VPS50: variants seen among roughly 807,000 people sequenced by gnomAD.
The protein encoded by VPS50 is syndetin.
VPS50 carries 70 observed loss-of-function variants against 139.7 expected under a neutral mutation model. That is an observed-to-expected ratio of 0.50 (90% CI 0.41 to 0.61). The LOEUF (loss-of-function observed/expected upper bound fraction) is 0.61, where lower values mean the gene tolerates loss of function less well. VPS50 is among the 20% of genes least tolerant of loss of function. The pLI is 0.00. For missense variants in VPS50, 921 were observed against 1,133.7 expected (o/e 0.81, Z 2.69); for synonymous variants, 365 against 376.7 (o/e 0.97, Z 0.36).
Position 93,290,721 on chromosome 7 carries a change from G to A in VPS50, c.943-982G>A, listed in dbSNP as rs1304758838. Among the ~76,000 whole-genome samples the A allele has an allele frequency of 2.6e-5, 4 of 152,128 alleles. No homozygotes were observed. In the East Asian group the frequency reaches 7.7e-4, roughly 29 times the overall value. On this transcript the variant is annotated intron_variant, in intron 12 of 27. Transcript: ENST00000305866. ...AGATTTGATATACTTACATGGAAGT[G>A]TAGTAAATCATGTAAGCTAGTATTT... is the stretch of plus-strand genomic sequence containing the variant.
At chr7:93,283,322 C>T (rs989609607) in intron 12 of VPS50, among the ~76,000 whole-genome samples, 4 of 151,478 alleles carry the variant, frequency 2.6e-5, no homozygotes, top group African/African-American at 4.9e-5. Context: ...CCACCTCCCG[C>T]GTTCAACAGG....
At chr7:93,283,092 C>T (rs1055121744) in intron 12 of VPS50, among the ~76,000 whole-genome samples, 1 of 151,940 alleles carries the variant, frequency 6.6e-6, no homozygotes, top group Non-Finnish European at 1.5e-5. Context: ...AAATTTTATT[C>T]TACTTGCAAA....
At position 93,261,875 on chromosome 7, in the gene VPS50, T is replaced by G. The variant is rs893424024; in HGVS notation, c.659+2243T>G. Among the ~76,000 whole-genome samples the G allele has an allele frequency of 3.3e-5, 5 of 152,082 alleles. No homozygotes were observed. In the South Asian group the frequency reaches 6.2e-4, roughly 19 times the overall value. On this transcript the variant is annotated intron_variant, in intron 9 of 27. Transcript: ENST00000305866. ...TCTACACCAGAAATGAAATCTTTGT[T>G]GCGGAGTTACCAAGCAAAATGAAGA...
chr7:93,297,473 T>C (rs1353932907), intron 16 of VPS50, among the ~76,000 whole-genome samples: 1 of 152,144 alleles, frequency 6.6e-6, no homozygotes, highest in African/African-American at 2.4e-5. Context: ...GCTTAAAATA[T>C]TGAACTGATT....
chr7:93,252,270 C>G (rs1438192369), intron 2 of VPS50, among the ~76,000 whole-genome samples: 2 of 151,924 alleles, frequency 1.3e-5, no homozygotes, highest in Non-Finnish European at 2.9e-5. Flanking sequence ...GTGTTCTTCC[C>G]TTATTATCTG....
intron 2 of VPS50, among the ~76,000 whole-genome samples, chr7:93,246,448 AT>A (rs572656636): frequency 0.025 from 3,739 of 151,710 alleles, 75 homozygotes; most frequent in Non-Finnish European, 0.038. Flanking sequence ...TATTCTATAT[AT>A]TTTTTTCAGA....
At chr7:93,314,047 C>T (rs1797349939) in intron 20 of VPS50, among the ~76,000 whole-genome samples, 2 of 152,120 alleles carry the variant, frequency 1.3e-5, no homozygotes, top group South Asian at 4.1e-4. Flanking sequence ...CAAAACAGAA[C>T]TTTAAGGAAG....
intron 18 of VPS50, 123 bp downstream of exon 18, chr7:93,306,127 A>G (rs1370987607): frequency 1.5e-6 from 1 of 674,908 alleles, no homozygotes; most frequent in Non-Finnish European, 2.6e-6. Context: ...TGTATACTTA[A>G]TGTACCTATG....
chr7:93,252,701 C>T lies in VPS50; in HGVS notation c.151C>T (p.Gln51Ter). 6.3e-7 allele frequency: 1 copy of T among 1,598,608 alleles called. No individual in the cohort carries two copies. Among genetic ancestry groups the T allele is most frequent in the Non-Finnish European group, 8.6e-7 (1 of 1,168,550 alleles). ...REQPSDPQAEQELINSIEQVY... is the reference protein window; with the variant it reads ...REQPSDPQAE ...ACAGCCAAGTGACCCTCAAGCTGAACAAGAGCTTATTAATAGTATTGAACA... is the reference window on the plus strand; with the variant it reads ...ACAGCCAAGTGACCCTCAAGCTGAATAAGAGCTTATTAATAGTATTGAACA... The change falls in exon 3 of 28, where the codon CAA becomes TAA. Residue 51 changes from glutamine to a stop codon, truncating the protein, a stop_gained. Coordinates refer to ENST00000305866, the MANE Select transcript of VPS50 (RefSeq NM_017667.4). LOFTEE classifies it high-confidence loss of function.
In VPS50 at chr7:93,360,387, T is replaced by C. The variant is rs1211002052; in HGVS notation, c.*1951T>C. 10 of 149,876 alleles carry C rather than the reference T, an allele frequency of 6.7e-5. No individual in the cohort carries two copies. The Admixed American group carries it at 6.8e-4, about 10-fold the overall frequency. The allele number at this position is 149,876 out of a possible 1,614,324, so 9.3% of individuals were successfully genotyped here. On this transcript the variant is annotated 3_prime_UTR_variant, in exon 28 of 28. Coordinates refer to ENST00000305866, the MANE Select transcript of VPS50 (RefSeq NM_017667.4). Reference sequence around the variant, plus strand: ...TCTTCAAAATGAAATGGTGGATCTTTTTAATGCTTTTTGAAAAAGGTTTTT... The same window carrying C: ...TCTTCAAAATGAAATGGTGGATCTTCTTAATGCTTTTTGAAAAAGGTTTTT...
intron 23 of VPS50, among the ~76,000 whole-genome samples, chr7:93,342,148 G>A (rs972609385): frequency 2.0e-5 from 3 of 152,240 alleles, no homozygotes; most frequent in Non-Finnish European, 4.4e-5. Flanking sequence ...AGCAGGGCGA[G>A]GCATTGCCTC....
chr7:93,336,896 A>G (rs1183106284), intron 22 of VPS50, among the ~76,000 whole-genome samples: 1 of 152,222 alleles, frequency 6.6e-6, no homozygotes, highest in Non-Finnish European at 1.5e-5. Flanking sequence ...TCTTTGTAGT[A>G]GTACATTGGT....
At chr7:93,357,888 AT>A (rs35523741) in intron 27 of VPS50, among the ~76,000 whole-genome samples, 264 of 147,222 alleles carry the variant, frequency 1.8e-3, no homozygotes, top group African/African-American at 6.5e-3. Context: ...GTTGTTGGAG[AT>A]TTTTTTTTTA....
At chr7:93,279,011 T>G (rs1796246868) in intron 12 of VPS50, among the ~76,000 whole-genome samples, 1 of 152,196 alleles carries the variant, frequency 6.6e-6, no homozygotes, top group East Asian at 1.9e-4. Context: ...TAGCAAATAT[T>G]GGCGATGGCT....
intron 23 of VPS50, among the ~76,000 whole-genome samples, chr7:93,345,635 A>C (rs1216130219): frequency 6.6e-6 from 1 of 152,226 alleles, no homozygotes; most frequent in Non-Finnish European, 1.5e-5. Flanking sequence ...CACCATGATC[A>C]AGTGGGCTTC....
At chr7:93,237,253 G>T (rs1217688739) in intron 1 of VPS50, among the ~76,000 whole-genome samples, 2 of 152,070 alleles carry the variant, frequency 1.3e-5, no homozygotes, top group Non-Finnish European at 2.9e-5. Flanking sequence ...ACCACGCCCG[G>T]CCTGTTTTAC....
chr7:93,311,051 C>T, intron 19 of VPS50, 115 bp from the exon 20 acceptor site: 1 of 675,234 alleles, frequency 1.5e-6, no homozygotes, highest in Non-Finnish European at 2.7e-6. Flanking sequence ...TTACCTAATG[C>T]ATAGTAAGAT....
chr7:93,314,455 A>G (rs1355364457), intron 20 of VPS50, among the ~76,000 whole-genome samples: 1 of 152,162 alleles, frequency 6.6e-6, no homozygotes, highest in Non-Finnish European at 1.5e-5. Context: ...TTATATAAAG[A>G]GAAAATTCTG....
chr7:93,355,914 G>A lies in VPS50; in HGVS notation c.2609G>A (p.Ser870Asn). The A allele has an allele frequency of 6.3e-7, 1 of 1,585,426 alleles. No individual in the cohort carries two copies. Among genetic ancestry groups the A allele is most frequent in the Non-Finnish European group, 8.6e-7 (1 of 1,161,268 alleles). ...VEGYANVKKCSNEGRALMQLD... is the reference protein window; with the variant it reads ...VEGYANVKKCNNEGRALMQLD... ...AGATATGCCAATGTCAAGAAATGCAGTAATGAGGGTCGTGCCCTGATGCAA... is the reference window on the plus strand; with the variant it reads ...AGATATGCCAATGTCAAGAAATGCAATAATGAGGGTCGTGCCCTGATGCAA... The change falls in exon 27 of 28, where the codon AGT becomes AAT. Residue 870 changes from serine (S) to asparagine (N), a missense_variant. By Grantham distance (46) the Ser-to-Asn change is conservative (BLOSUM62 1). Coordinates refer to ENST00000305866, the MANE Select transcript of VPS50 (RefSeq NM_017667.4).
Sources: allele counts gnomAD v4.1 joint callset (sites outside exome capture counted in the v4.1 genomes callset), GRCh38; gene constraint gnomAD v4.1.1; transcripts MANE v1.5; gene names NCBI Gene and HGNC (gene_info 2026-07-23, HGNC 2026-07-21).